The following FGF14 variants were observed in gnomAD, a reference collection of about 807,000 sequenced individuals.
FGF14 encodes the protein fibroblast growth factor homologous factor 4.
Under a neutral mutation model 25.5 loss-of-function variants are expected in FGF14, and 5 were observed. The observed-to-expected ratio is 0.20, with a 90% CI of 0.10 to 0.41. The LOEUF is 0.41. FGF14 is among the 10% of genes least tolerant of loss of function. The pLI, the probability that FGF14 is intolerant of heterozygous loss-of-function variation, is 1.00. For synonymous variants in FGF14, 138 were observed against 118.3 expected, an observed-to-expected ratio of 1.17 and a Z score of -1.08; for missense variants, 222 against 320.1, an observed-to-expected ratio of 0.69 and a Z score of 2.34.
In FGF14 at chr13:101,937,352, T is replaced by A. The variant is rs182846913; in HGVS notation, c.209-62056A>T. 3.1e-3 allele frequency among the ~76,000 whole-genome samples: 469 copies of A among 152,104 alleles called. 2 individuals carry two copies. Among genetic ancestry groups the A allele is most frequent in the African/African-American group, 0.01 (433 of 41,490 alleles). On this transcript the variant is annotated intron_variant, in intron 1 of 4. Transcript: ENST00000376131. ...TGCATTTGGAGACAGGGTGATCAAG[T>A]GAAAATGAGGCTGTCAGGTGGGTCC...
chr13:102,319,179 T>A (rs1020430825), intron 1 of FGF14, among the ~76,000 whole-genome samples: 2 of 152,178 alleles, frequency 1.3e-5, no homozygotes, highest in African/African-American at 4.8e-5. Context: ...AAGATTTTAG[T>A]GTCATATGAG....
chr13:102,382,872 T>C (rs2058216019), intron 1 of FGF14, among the ~76,000 whole-genome samples: 1 of 152,126 alleles, frequency 6.6e-6, no homozygotes, highest in African/African-American at 2.4e-5. Flanking sequence ...AATGATTCCA[T>C]TCTTATGAAA....
chr13:101,814,199 C>T (rs1416742203), intron 3 of FGF14, among the ~76,000 whole-genome samples: 1 of 152,108 alleles, frequency 6.6e-6, no homozygotes, highest in Non-Finnish European at 1.5e-5. Flanking sequence ...GTTCCCATCC[C>T]ACAACTACTG....
At chr13:102,308,395 G>T (rs2055520357) in intron 1 of FGF14, among the ~76,000 whole-genome samples, 1 of 152,136 alleles carries the variant, frequency 6.6e-6, no homozygotes, top group Non-Finnish European at 1.5e-5. Flanking sequence ...ATCCAAACAG[G>T]TATAATTTCT....
chr13:101,907,190 A>AT (rs1392179536), intron 1 of FGF14, among the ~76,000 whole-genome samples: 1 of 152,150 alleles, frequency 6.6e-6, no homozygotes, highest in Non-Finnish European at 1.5e-5. Context: ...CCAAACACAA[A>AT]TACATGTGAT....
chr13:102,105,794 C>T (rs750790038), intron 1 of FGF14, among the ~76,000 whole-genome samples: 1 of 152,164 alleles, frequency 6.6e-6, no homozygotes, highest in Non-Finnish European at 1.5e-5. Flanking sequence ...CAGAGCATTT[C>T]AGCACATTCA....
intron 1 of FGF14, among the ~76,000 whole-genome samples, chr13:101,934,585 G>A (rs2034979244): frequency 6.6e-6 from 1 of 152,188 alleles, no homozygotes; most frequent in Non-Finnish European, 1.5e-5. Flanking sequence ...CTTTGTATAT[G>A]TTAGACCTCA....
chr13:101,841,756 G>T (rs1445598423), intron 3 of FGF14, among the ~76,000 whole-genome samples: 1 of 151,890 alleles, frequency 6.6e-6, no homozygotes, highest in Non-Finnish European at 1.5e-5. Flanking sequence ...CTTGTTGTCA[G>T]TGTTCTCTTT....
intron 3 of FGF14, among the ~76,000 whole-genome samples, chr13:101,741,235 G>A (rs564853237): frequency 6.6e-6 from 1 of 152,220 alleles, no homozygotes; most frequent in Admixed American, 6.5e-5. Flanking sequence ...ATATGGGAGG[G>A]TGAGGCAGGA....
chr13:102,153,760 G>A (rs2140516868), intron 1 of FGF14, among the ~76,000 whole-genome samples: 1 of 152,202 alleles, frequency 6.6e-6, no homozygotes, highest in East Asian at 1.9e-4. Context: ...AGTTAGCAAT[G>A]TATTTCTATT....
Position 101,722,712 on chromosome 13 carries a change from A to G in FGF14, c.*119T>C. On this transcript the variant is annotated 3_prime_UTR_variant, in exon 5 of 5. Transcript: ENST00000376143. The stretch of plus-strand genomic sequence containing the variant: ...GCAACAGAGAAGTTCGGAGACAGCA[A>G]AGAATAAGCATTAGCTTACTTCCTG... 7.2e-7 allele frequency: 1 copy of G among 1,394,362 alleles called. No homozygotes were observed. Among genetic ancestry groups the G allele is most frequent in the Middle Eastern group, 1.8e-4 (1 of 5,636 alleles). The allele number at this position is 1,394,362 out of a possible 1,614,324, so 86.4% of individuals were successfully genotyped here. A position where few individuals can be genotyped will look rare whatever the true frequency, so the allele number is the denominator to read the frequency against.
intron 1 of FGF14, among the ~76,000 whole-genome samples, chr13:101,974,396 G>C (rs1310847725): frequency 6.6e-6 from 1 of 152,144 alleles, no homozygotes; most frequent in Non-Finnish European, 1.5e-5. Flanking sequence ...TATGCAGCAA[G>C]CCTCTCATAT....
At chr13:102,164,632 T>C (rs754632788) in intron 1 of FGF14, among the ~76,000 whole-genome samples, 2 of 152,088 alleles carry the variant, frequency 1.3e-5, no homozygotes, top group Non-Finnish European at 2.9e-5. Context: ...TCCTACATAA[T>C]CTTTGGGACA....
chr13:101,799,044 C>A (rs185399242), intron 3 of FGF14, among the ~76,000 whole-genome samples: 2 of 152,216 alleles, frequency 1.3e-5, no homozygotes, highest in East Asian at 1.9e-4. Context: ...CATACATATA[C>A]GGTAAACACA....
intron 1 of FGF14, among the ~76,000 whole-genome samples, chr13:102,071,177 C>G (rs949770433): frequency 3.3e-5 from 5 of 152,072 alleles, no homozygotes; most frequent in Non-Finnish European, 5.9e-5. Context: ...TATCTGCTAC[C>G]CTTAGAAGCA....
At chr13:102,299,063 G>A (rs1320591452) in intron 1 of FGF14, among the ~76,000 whole-genome samples, 1 of 152,038 alleles carries the variant, frequency 6.6e-6, no homozygotes, top group Non-Finnish European at 1.5e-5. Flanking sequence ...TCTCAATGAT[G>A]GTGATAAAGC....
rs560638640 is a variant in FGF14, at chr13:101,882,337, T to C, written c.194-7041A>G. Reference sequence around the variant, plus strand: ...CAGAATTAGCATGACAAAAAGTAGATGTTAAAGAACCAAAGACATCTGTCG... The same window carrying C: ...CAGAATTAGCATGACAAAAAGTAGACGTTAAAGAACCAAAGACATCTGTCG... On this transcript the variant is annotated intron_variant, in intron 1 of 4. Transcript: ENST00000376143. Among the ~76,000 whole-genome samples the C allele has an allele frequency of 4.6e-5, 7 of 152,082 alleles. 1 individual carries two copies. The highest frequency in any genetic ancestry group is 1.2e-4 in the African/African-American group (5 of 41,534).
rs201293479 is a variant in FGF14 at position 101,740,665 on chromosome 13, CA to C, written c.409-13856del. The stretch of plus-strand genomic sequence containing the variant: ...AATATTGCAGTTTTGTATTCTTGGG[CA>C]AAAAAAAAGCGTAAGAGTATAACAT... On this transcript the variant is annotated intron_variant, in intron 3 of 4. Coordinates refer to ENST00000376143, the MANE Select transcript of FGF14 (RefSeq NM_004115.4). Among the ~76,000 whole-genome samples the C allele has an allele frequency of 7.1e-4, 106 of 149,672 alleles. 1 individual carries two copies. The South Asian group carries it at 0.02, about 28-fold the overall frequency.
At chr13:101,992,068 G>T (rs1406851557) in intron 1 of FGF14, among the ~76,000 whole-genome samples, 1 of 152,134 alleles carries the variant, frequency 6.6e-6, no homozygotes, top group Non-Finnish European at 1.5e-5. Flanking sequence ...CACAGGCCAG[G>T]AGCAAAGGCT....
Sources: allele counts gnomAD v4.1 joint callset (sites outside exome capture counted in the v4.1 genomes callset), GRCh38; gene constraint gnomAD v4.1.1; transcripts MANE v1.5; gene names NCBI Gene and HGNC (gene_info 2026-07-23, HGNC 2026-07-21).